The following VPS13C variants were observed in gnomAD, a reference collection of about 807,000 sequenced individuals.
The protein encoded by VPS13C is intermembrane lipid transfer protein VPS13C.
In VPS13C, 358 loss-of-function variants were observed where a neutral mutation model predicts 456.8. That is an observed-to-expected ratio of 0.78 (90% CI 0.72 to 0.86). VPS13C has a LOEUF of 0.86. VPS13C is among the 40% of genes least tolerant of loss of function. VPS13C has a pLI of 0.00. For missense variants in VPS13C, 4,818 were observed against 4,385.4 expected, an observed-to-expected ratio of 1.10 and a Z score of -2.79; for synonymous variants, 1,578 against 1,486.7, an observed-to-expected ratio of 1.06 and a Z score of -1.41.
chr15:61,907,869 C>T (rs1001430026), intron 65 of VPS13C, among the ~76,000 whole-genome samples: 1 of 152,128 alleles, frequency 6.6e-6, no homozygotes, highest in African/African-American at 2.4e-5. Context: ...ATGCTCCTAC[C>T]CAAGCCTCTC....
chr15:62,029,727 A>C (rs1467337752), intron 5 of VPS13C, among the ~76,000 whole-genome samples: 1 of 152,076 alleles, frequency 6.6e-6, no homozygotes, highest in Non-Finnish European at 1.5e-5. Flanking sequence ...CAATGTGTAG[A>C]CTGGCATCAG....
chr15:62,013,808 C>G, intron 10 of VPS13C, 125 bp downstream of exon 10: 1 of 651,610 alleles, frequency 1.5e-6, no homozygotes, highest in Non-Finnish European at 2.6e-6. Context: ...GTAGCAGGGC[C>G]AAAACTAGAC....
chr15:61,930,211 A>G (rs926571823), intron 50 of VPS13C, among the ~76,000 whole-genome samples: 2 of 152,234 alleles, frequency 1.3e-5, no homozygotes, highest in Non-Finnish European at 2.9e-5. Context: ...AAAGTATTCA[A>G]TACAACTCAA....
chr15:61,871,751 C>T (rs991254691), intron 79 of VPS13C, among the ~76,000 whole-genome samples: 1 of 152,066 alleles, frequency 6.6e-6, no homozygotes, highest in African/African-American at 2.4e-5. Flanking sequence ...AGGACCCAAA[C>T]AAATCTAGTT....
intron 48 of VPS13C, among the ~76,000 whole-genome samples, chr15:61,935,254 C>T (rs1415060840): frequency 6.6e-6 from 1 of 152,156 alleles, no homozygotes; most frequent in East Asian, 1.9e-4. Flanking sequence ...CTGAATAGAT[C>T]TTGCTTTCAA....
At chr15:62,003,553 T>G (rs1331021675) in intron 15 of VPS13C, among the ~76,000 whole-genome samples, 1 of 152,120 alleles carries the variant, frequency 6.6e-6, no homozygotes, top group African/African-American at 2.4e-5. Context: ...CTTCCAACAC[T>G]ATGTGGAATA....
chr15:61,938,908 A>C (rs2044322129), intron 47 of VPS13C, among the ~76,000 whole-genome samples: 2 of 152,186 alleles, frequency 1.3e-5, no homozygotes, highest in Non-Finnish European at 2.9e-5. Context: ...ATCACACTGC[A>C]TCTCTTATAA....
At chr15:61,868,071 G>T (rs1261478552) in intron 81 of VPS13C, 3 of 694,378 alleles carry the variant, frequency 4.3e-6, no homozygotes, top group African/African-American at 3.7e-5. Flanking sequence ...TAAAGTCAAG[G>T]TAGAAAAATA....
At chr15:61,912,558 T>C (rs896279204) in intron 62 of VPS13C, among the ~76,000 whole-genome samples, 1 of 152,002 alleles carries the variant, frequency 6.6e-6, no homozygotes, top group African/African-American at 2.4e-5. Flanking sequence ...CTGGTATCAG[T>C]GACCATAAAA....
intron 9 of VPS13C, among the ~76,000 whole-genome samples, chr15:62,015,060 C>T (rs2047180588): frequency 6.6e-6 from 1 of 152,090 alleles, no homozygotes; most frequent in Non-Finnish European, 1.5e-5. Context: ...TGTTATCAGA[C>T]AATAGGAGGT....
In VPS13C at chr15:61,961,845, T is replaced by C. The variant is rs1432205337; in HGVS notation, c.3652A>G (p.Thr1218Ala). 29 of 1,613,802 alleles carry C rather than the reference T, an allele frequency of 1.8e-5. No homozygotes were observed. Among genetic ancestry groups the C allele is most frequent in the Non-Finnish European group, 2.4e-5 (28 of 1,179,934 alleles). The change falls in exon 35 of 85, where the codon ACT becomes GCT. Residue 1218 changes from threonine (T) to alanine (A), a missense_variant. Physicochemically the swap from Thr to Ala is moderately conservative, Grantham distance 58 (BLOSUM62 0). Coordinates refer to ENST00000644861, the MANE Select transcript of VPS13C (RefSeq NM_020821.3). The stretch of plus-strand genomic sequence containing the variant: ...GCAGCCCTTTCTGCAGCCTGGGCAG[T>C]GGCAGCACTCAGAGACTCTTTGGCT... ...QTAKESLSAA[T>A]AQAAERAATS... is the part of the protein sequence containing the mutation.
chr15:61,872,095 C>G, intron 78 of VPS13C, 61 bp from the exon 79 acceptor site: 1 of 1,408,886 alleles, frequency 7.1e-7, no homozygotes, highest in Non-Finnish European at 9.9e-7. Context: ...TTTAAACCAA[C>G]CACTAGAGGT....
At chr15:61,939,573 G>A (rs952212306) in intron 47 of VPS13C, among the ~76,000 whole-genome samples, 1 of 152,170 alleles carries the variant, frequency 6.6e-6, no homozygotes, top group Non-Finnish European at 1.5e-5. Context: ...ATCCTCGGCT[G>A]TTTGGTTTCA....
chr15:61,996,998 C>CATATATATATAT lies in VPS13C; in HGVS notation c.1353+3554_1353+3565dup, dbSNP rs35381809. Among the ~76,000 whole-genome samples the CATATATATATAT allele has an allele frequency of 4.5e-3, 659 of 145,552 alleles. 14 individuals are homozygous for CATATATATATAT. In the East Asian group the frequency reaches 0.056, roughly 12 times the overall value. On this transcript the variant is annotated intron_variant, in intron 16 of 84. Transcript: ENST00000644861. ...CTTGCCTATATATTTTACATACATACATATATATATATATGTATAGAATAT... is the reference window on the plus strand; with the variant it reads ...CTTGCCTATATATTTTACATACATACATATATATATATATATATATATATATGTATAGAATAT...
At chr15:62,015,044 T>C (rs561740299) in intron 9 of VPS13C, among the ~76,000 whole-genome samples, 38 of 152,246 alleles carry the variant, frequency 2.5e-4, no homozygotes, top group African/African-American at 9.1e-4. Flanking sequence ...TATGCAATAG[T>C]ATACCTGTTA....
In VPS13C at chr15:61,961,841, G is replaced by A. The variant is rs772359258; in HGVS notation, c.3656C>T (p.Ala1219Val). The A allele has an allele frequency of 9.9e-6, 16 of 1,613,830 alleles. No homozygotes were observed. The highest frequency in any genetic ancestry group is 3.3e-4 in the Middle Eastern group (2 of 6,078). The change falls in exon 35 of 85, where the codon GCC (alanine) becomes GTC (valine). Residue 1219 changes from alanine to valine, a missense_variant. This residue lies in a region of VPS13C where 4,552 missense variants were observed against 4,130.6 expected (regional missense o/e 1.10). Coordinates refer to ENST00000644861, the MANE Select transcript of VPS13C (RefSeq NM_020821.3). The part of the protein sequence containing the change: ...TAKESLSAAT[A>V]QAAERAATSV... ...TGTGGCAGCCCTTTCTGCAGCCTGGGCAGTGGCAGCACTCAGAGACTCTTT... is the reference window on the plus strand; with the variant it reads ...TGTGGCAGCCCTTTCTGCAGCCTGGACAGTGGCAGCACTCAGAGACTCTTT...
intron 60 of VPS13C, 108 bp from the exon 61 acceptor site, chr15:61,916,130 A>G (rs1439910816): frequency 4.8e-6 from 6 of 1,260,428 alleles, no homozygotes; most frequent in Non-Finnish European, 6.4e-6. Context: ...GTAAACTGCT[A>G]AGTCTTCTGT....
At chr15:62,054,149 A>G (rs1567154712) in intron 1 of VPS13C, among the ~76,000 whole-genome samples, 1 of 152,238 alleles carries the variant, frequency 6.6e-6, no homozygotes, top group Non-Finnish European at 1.5e-5. Flanking sequence ...AATATATGTT[A>G]CTCTTAAAAC....
chr15:61,886,785 T>C (rs898692128), intron 67 of VPS13C, among the ~76,000 whole-genome samples: 2 of 152,214 alleles, frequency 1.3e-5, no homozygotes, highest in Non-Finnish European at 2.9e-5. Context: ...GTGTTAACAA[T>C]GTCCTAACTA....
Sources: gnomAD v4.1 joint callset for allele counts (sites outside exome capture counted in the v4.1 genomes callset) on GRCh38, gnomAD v4.1.1 for gene constraint, gnomAD v4.1.1 regional missense constraint, MANE v1.5 for transcripts, NCBI Gene and HGNC (gene_info 2026-07-23, HGNC 2026-07-21) for gene names.